PTPRD: variants seen among roughly 807,000 people sequenced by gnomAD.
PTPRD encodes receptor-type tyrosine-protein phosphatase delta.
A neutral mutation model predicts 214.5 loss-of-function variants in PTPRD; 34 were observed. The ratio of observed to expected loss-of-function variants is 0.16; its 90% CI spans 0.12 to 0.21. PTPRD has a LOEUF of 0.21. Ranked by LOEUF, PTPRD falls within the 10% of genes least tolerant of loss-of-function variation. The pLI, the probability that PTPRD is intolerant of heterozygous loss-of-function variation, is 1.00. For missense variants in PTPRD, 2,545 were observed against 2,398.7 expected (o/e 1.06, Z -1.27); for synonymous variants, 1,128 against 845.7 (o/e 1.33, Z -5.79).
At chr9:8,505,713 C>G (rs978584611) in intron 22 of PTPRD, among the ~76,000 whole-genome samples, 22 of 149,122 alleles carry the variant, frequency 1.5e-4, no homozygotes, top group African/African-American at 5.0e-4. Context: ...TTCTGACTTA[C>G]AAATACAAAA....
intron 2 of PTPRD, among the ~76,000 whole-genome samples, chr9:10,574,966 A>C (rs1050360643): frequency 1.3e-5 from 2 of 151,868 alleles, no homozygotes; most frequent in Non-Finnish European, 2.9e-5. Flanking sequence ...GAACTACAGA[A>C]AAGTGCAATG....
intron 11 of PTPRD, among the ~76,000 whole-genome samples, chr9:8,819,383 C>A (rs949921559): frequency 6.6e-6 from 1 of 151,962 alleles, no homozygotes; most frequent in African/African-American, 2.4e-5. Flanking sequence ...CTCTTTGGGG[C>A]CCAGCACAGT....
At chr9:8,327,781 G>A (rs147827116) in intron 44 of PTPRD, among the ~76,000 whole-genome samples, 29 of 149,122 alleles carry the variant, frequency 1.9e-4, no homozygotes, top group Non-Finnish European at 3.9e-4. Flanking sequence ...ACCTCTGTAC[G>A]TAATGCCCTT....
intron 10 of PTPRD, among the ~76,000 whole-genome samples, chr9:9,039,704 C>T (rs763113916): frequency 1.2e-4 from 18 of 152,194 alleles, no homozygotes; most frequent in African/African-American, 1.7e-4. Flanking sequence ...ATTTCATGCT[C>T]ACCCAACAAT....
chr9:9,553,294 GAATT>G (rs1403469094), intron 8 of PTPRD, among the ~76,000 whole-genome samples: 1 of 151,960 alleles, frequency 6.6e-6, no homozygotes, highest in Non-Finnish European at 1.5e-5. Context: ...TTGAATGAAT[GAATT>G]CAGTTTATTT....
At chr9:8,839,854 G>C (rs1601539484) in intron 11 of PTPRD, among the ~76,000 whole-genome samples, 1 of 152,174 alleles carries the variant, frequency 6.6e-6, no homozygotes. Context: ...GCCATTAAAA[G>C]CAGCAGTTAT....
intron 8 of PTPRD, among the ~76,000 whole-genome samples, chr9:9,432,762 A>T (rs1270391100): frequency 6.6e-6 from 1 of 152,246 alleles, no homozygotes; most frequent in African/African-American, 2.4e-5. Flanking sequence ...TTAATACCTA[A>T]GAAAAGAATA....
intron 12 of PTPRD, among the ~76,000 whole-genome samples, chr9:8,654,363 G>T (rs1174155478): frequency 2.0e-5 from 3 of 152,184 alleles, no homozygotes; most frequent in Admixed American, 6.5e-5. Flanking sequence ...CCAACAAAAG[G>T]CATGATATGT....
intron 9 of PTPRD, among the ~76,000 whole-genome samples, chr9:9,198,317 T>G (rs1301201805): frequency 6.6e-6 from 1 of 152,150 alleles, no homozygotes; most frequent in Non-Finnish European, 1.5e-5. Flanking sequence ...AGAAAATAAG[T>G]TTGGTTAATT....
intron 3 of PTPRD, among the ~76,000 whole-genome samples, chr9:10,113,397 G>A (rs1410384478): frequency 6.6e-6 from 1 of 152,164 alleles, no homozygotes; most frequent in African/African-American, 2.4e-5. Context: ...CCCACACCGT[G>A]CTTCCTCTGC....
intron 30 of PTPRD, among the ~76,000 whole-genome samples, chr9:8,471,648 T>C (rs1458079168): frequency 6.6e-6 from 1 of 152,094 alleles, no homozygotes; most frequent in Non-Finnish European, 1.5e-5. Context: ...ACCCATCAAA[T>C]TGCAAATCTC....
At chr9:8,971,971 C>A (rs1024404154) in intron 11 of PTPRD, among the ~76,000 whole-genome samples, 1 of 151,640 alleles carries the variant, frequency 6.6e-6, no homozygotes. Context: ...CATTGCATAC[C>A]TCTTTTACTT....
At chr9:10,298,867 G>A (rs958231883) in intron 3 of PTPRD, among the ~76,000 whole-genome samples, 1 of 151,964 alleles carries the variant, frequency 6.6e-6, no homozygotes, top group Non-Finnish European at 1.5e-5. Context: ...ATAGAGACCA[G>A]CTGTTTCTTG....
chr9:8,538,658 A>C (rs1215116159), intron 14 of PTPRD, among the ~76,000 whole-genome samples: 1 of 151,304 alleles, frequency 6.6e-6, no homozygotes, highest in African/African-American at 2.4e-5. Flanking sequence ...TATACTATAC[A>C]TATTTTAAAT....
intron 43 of PTPRD, among the ~76,000 whole-genome samples, chr9:8,337,658 CT>C (rs1470837891): frequency 2.0e-5 from 3 of 150,122 alleles, no homozygotes; most frequent in Non-Finnish European, 4.4e-5. Flanking sequence ...CACAGGGAGA[CT>C]TTAAAAAAAA....
At chr9:9,453,529 A>C (rs1052612573) in intron 8 of PTPRD, among the ~76,000 whole-genome samples, 15 of 151,626 alleles carry the variant, frequency 9.9e-5, no homozygotes, top group Non-Finnish European at 2.1e-4. Context: ...GCCTTATTAA[A>C]TTACAGTCTA....
At chr9:8,476,994 T>C (rs12340876) in intron 30 of PTPRD, among the ~76,000 whole-genome samples, 7,282 of 152,198 alleles carry the variant, frequency 0.048, 586 homozygotes, top group African/African-American at 0.17. Flanking sequence ...GTGACCCTTG[T>C]TCTAATCTCA....
At chr9:8,445,064 A>G (rs1302250956) in intron 34 of PTPRD, among the ~76,000 whole-genome samples, 1 of 152,144 alleles carries the variant, frequency 6.6e-6, no homozygotes, top group Non-Finnish European at 1.5e-5. Flanking sequence ...CTCCTCTACT[A>G]CGTCACCTCT....
At chr9:9,820,037 G>T (rs2050176682) in intron 5 of PTPRD, among the ~76,000 whole-genome samples, 1 of 152,154 alleles carries the variant, frequency 6.6e-6, no homozygotes, top group African/African-American at 2.4e-5. Context: ...TGATAGTCCT[G>T]TTCTATGTTC....
Sources: allele counts gnomAD v4.1 joint callset (sites outside exome capture counted in the v4.1 genomes callset), GRCh38; gene constraint gnomAD v4.1.1; transcripts MANE v1.5; gene names NCBI Gene and HGNC (gene_info 2026-07-23, HGNC 2026-07-21).